The following ITPA variants were observed in gnomAD, a reference collection of about 807,000 sequenced individuals.
The protein encoded by ITPA is inosine triphosphate pyrophosphatase.
ITPA carries 29 observed loss-of-function variants against 29.6 expected under a neutral mutation model. The observed-to-expected ratio is 0.98, with a 90% CI of 0.73 to 1.34. The LOEUF (loss-of-function observed/expected upper bound fraction) is 1.34. ITPA is among the 40% of genes most tolerant of loss of function. The pLI is 0.00. For synonymous variants in ITPA, 103 were observed against 99.3 expected (o/e 1.04, Z -0.22); for missense variants, 241 against 251.5 (o/e 0.96, Z 0.28).
Position 3,216,507 on chromosome 20 carries a change from G to A in ITPA, c.295+1195G>A, listed in dbSNP as rs193127612. Among the ~76,000 whole-genome samples, 29 of 145,508 alleles carry A rather than the reference G, an allele frequency of 2.0e-4. No individual in the cohort carries two copies. The East Asian group carries it at 2.4e-3, about 12-fold the overall frequency. On this transcript the variant is annotated intron_variant, in intron 5 of 7. Transcript: ENST00000380113. ...TCACTCTTGTTGCCCAGGCTGGAGC[G>A]CAATGGCACGATCTCGGCTCACTAC...
chr20:3,204,784 G>A, upstream of ITPA: 3 of 671,702 alleles, frequency 4.5e-6, no homozygotes, highest in Non-Finnish European at 7.4e-6. Context: ...AAATGAGTTT[G>A]GGGGGTGTAA....
chr20:3,214,981 A>G (rs6076494), intron 4 of ITPA, among the ~76,000 whole-genome samples: 71,963 of 151,036 alleles, frequency 0.48, 17,402 homozygotes, highest in South Asian at 0.64. Flanking sequence ...CAAGCTATCC[A>G]CCTGCCTCAG....
chr20:3,225,344 A>G (rs1252579390), downstream of ITPA, among the ~76,000 whole-genome samples: 1 of 152,198 alleles, frequency 6.6e-6, no homozygotes, highest in Non-Finnish European at 1.5e-5. Flanking sequence ...TGGAAAGACC[A>G]AGACAGGACT....
chr20:3,226,360 G>A (rs547282371), downstream of ITPA, among the ~76,000 whole-genome samples: 18 of 152,310 alleles, frequency 1.2e-4, no homozygotes, highest in African/African-American at 3.8e-4. The surrounding 1 kb of genome is among the most constrained non-coding windows in gnomAD (Gnocchi z 4.4). Flanking sequence ...TGAGAGCGGA[G>A]GAAAACGTTT....
intron 6 of ITPA, 148 bp from the exon 7 acceptor site, chr20:3,221,693 G>A (rs575863908): frequency 1.4e-6 from 1 of 721,052 alleles, no homozygotes; most frequent in African/African-American, 1.7e-5. Flanking sequence ...GCAAACATTT[G>A]CAGGTGCTGT....
chr20:3,211,134 T>G (rs1294616596), intron 1 of ITPA, among the ~76,000 whole-genome samples: 8 of 149,520 alleles, frequency 5.4e-5, no homozygotes, highest in Non-Finnish European at 1.0e-4. Flanking sequence ...TTGGAGAACA[T>G]GGACTTGAAC....
downstream of ITPA, among the ~76,000 whole-genome samples, chr20:3,225,551 CCCGG>C: frequency 6.6e-6 from 1 of 152,072 alleles, no homozygotes. Flanking sequence ...AGGGTGACAC[CCCGG>C]GGAGGGCACA....
upstream of ITPA, among the ~76,000 whole-genome samples, chr20:3,206,068 AAAAGAAAG>A (rs572085904): frequency 2.0e-5 from 3 of 147,314 alleles, no homozygotes; most frequent in East Asian, 2.0e-4. Context: ...AAAAAAAAAA[AAAAGAAAG>A]AAAGAAAGAA....
chr20:3,216,166 T>TG (rs1221140577), intron 5 of ITPA, among the ~76,000 whole-genome samples: 1 of 149,042 alleles, frequency 6.7e-6, no homozygotes, highest in Non-Finnish European at 1.5e-5. Flanking sequence ...AGTTTTTTTT[T>TG]TTTTTTTTTT....
chr20:3,220,645 C>T (rs1242128075), intron 6 of ITPA, among the ~76,000 whole-genome samples: 1 of 151,260 alleles, frequency 6.6e-6, no homozygotes, highest in Non-Finnish European at 1.5e-5. Context: ...ATCTCTCAGG[C>T]TCAAGTCATC....
chr20:3,220,291 T>G (rs1269405518), intron 6 of ITPA, among the ~76,000 whole-genome samples: 6 of 151,940 alleles, frequency 3.9e-5, no homozygotes, highest in Admixed American at 3.9e-4. Context: ...CTCCCGACCT[T>G]AAGTGATCCG....
At chr20:3,224,308 T>C (rs201963621), downstream of ITPA, among the ~76,000 whole-genome samples, 390 of 152,376 alleles carry the variant, frequency 2.6e-3, 8 homozygotes, top group South Asian at 0.063. Flanking sequence ...GCCCTGCTTA[T>C]GCCACACGCC....
At chr20:3,227,222 G>T (rs1315449421), downstream of ITPA, among the ~76,000 whole-genome samples, 1 of 152,220 alleles carries the variant, frequency 6.6e-6, no homozygotes, top group Non-Finnish European at 1.5e-5. Context: ...CAGGTCCCTG[G>T]AGAAATGGCC....
chr20:3,221,903 T>G lies in ITPA; in HGVS notation c.474T>G (p.Asp158Glu), dbSNP rs2067474087. The change falls in exon 7 of 8, where the codon GAT becomes GAG. Residue 158 changes from aspartate (D) to glutamate (E), a missense_variant. Transcript: ENST00000380113. The stretch of plus-strand genomic sequence containing the variant: ...GCTGGGACCCCTGCTTTCAGCCTGA[T>G]GGATATGAGCAGACGTAAGGAGCCC... The part of the protein sequence containing the change: ...DFGWDPCFQP[D>E]GYEQTYAEMP... 6.2e-7 allele frequency: 1 copy of G among 1,613,972 alleles called. No individual in the cohort carries two copies. The highest frequency in any genetic ancestry group is 2.2e-5 in the East Asian group (1 of 44,882).
upstream of ITPA, among the ~76,000 whole-genome samples, chr20:3,205,948 C>T (rs1323894479): frequency 6.7e-5 from 10 of 149,406 alleles, no homozygotes; most frequent in South Asian, 4.3e-4. Flanking sequence ...CCCAGCTACT[C>T]GGGAGGCTGA....
At chr20:3,205,505 C>T (rs1397463554), upstream of ITPA, among the ~76,000 whole-genome samples, 1 of 152,028 alleles carries the variant, frequency 6.6e-6, no homozygotes, top group Non-Finnish European at 1.5e-5. Flanking sequence ...AGTTCAAGAC[C>T]AGCCTGGGCA....
At chr20:3,210,559 G>A (rs6037501) in intron 1 of ITPA, among the ~76,000 whole-genome samples, 2 of 151,992 alleles carry the variant, frequency 1.3e-5, no homozygotes, top group Admixed American at 6.6e-5. Context: ...ACCTACATTT[G>A]CCTGTAGTGT....
downstream of ITPA, chr20:3,227,417 T>G (rs907374412): frequency 3.4e-6 from 1 of 296,600 alleles, no homozygotes; most frequent in Admixed American, 4.3e-5. Flanking sequence ...AGGTGGCACA[T>G]AGGAGCCTAG....
chr20:3,210,802 G>C (rs957320149), intron 1 of ITPA, among the ~76,000 whole-genome samples: 3 of 152,040 alleles, frequency 2.0e-5, no homozygotes, highest in South Asian at 2.1e-4. Flanking sequence ...TGTAATCCCA[G>C]CACTTTGGGA....
Sources: allele counts gnomAD v4.1 joint callset (sites outside exome capture counted in the v4.1 genomes callset), GRCh38; gene constraint gnomAD v4.1.1; non-coding constraint Gnocchi (gnomAD v3.1); transcripts MANE v1.5; gene names NCBI Gene and HGNC (gene_info 2026-07-23, HGNC 2026-07-21).